CUL2: variants seen among roughly 807,000 people sequenced by gnomAD.
The protein encoded by CUL2 is cullin-2.
A neutral mutation model predicts 110.2 loss-of-function variants in CUL2; 22 were observed. The observed-to-expected ratio is 0.20, with a 90% CI of 0.14 to 0.28. CUL2 has a LOEUF of 0.28. CUL2 is among the 10% of genes least tolerant of loss of function. CUL2 has a pLI of 1.00. For synonymous variants in CUL2, 279 were observed against 293.2 expected, an observed-to-expected ratio of 0.95 and a Z score of 0.49; for missense variants, 631 against 905.5, an observed-to-expected ratio of 0.70 and a Z score of 3.89.
At chr10:35,103,320 TTTTTTTTTTTTTA>T (rs1564753917) in intron 1 of CUL2, among the ~76,000 whole-genome samples, 7 of 114,514 alleles carry the variant, frequency 6.1e-5, no homozygotes, top group African/African-American at 2.6e-4. Flanking sequence ...TTTTTTTTTT[TTTTTTTTTTTTTA>T]TTTTTTTTTG....
intron 2 of CUL2, among the ~76,000 whole-genome samples, chr10:35,064,717 T>A (rs2086472191): frequency 6.6e-6 from 1 of 152,144 alleles, no homozygotes; most frequent in African/African-American, 2.4e-5. Context: ...CTTGAAAAAA[T>A]TTTTTTGTAG....
intron 1 of CUL2, among the ~76,000 whole-genome samples, chr10:35,080,741 C>T (rs1407754789): frequency 2.0e-5 from 3 of 152,132 alleles, no homozygotes; most frequent in Admixed American, 2.0e-4. Context: ...AGGCGTGTGC[C>T]ACCGCACCCA....
intron 4 of CUL2, 104 bp from the exon 5 acceptor site, chr10:35,054,643 G>A: frequency 1.8e-6 from 1 of 554,754 alleles, no homozygotes; most frequent in Non-Finnish European, 3.1e-6. Flanking sequence ...TATAAGCCAT[G>A]GAATAGCCTA....
At chr10:35,066,726 G>A (rs906293683) in intron 2 of CUL2, among the ~76,000 whole-genome samples, 4 of 152,226 alleles carry the variant, frequency 2.6e-5, no homozygotes, top group African/African-American at 7.2e-5. Context: ...GTGAATCAAT[G>A]AGAACAAATA....
chr10:35,071,245 C>T lies in CUL2; in HGVS notation c.73G>A (p.Val25Ile). Residue 25 changes from valine to isoleucine, a missense_variant, in exon 2 of 21, where the codon GTC becomes ATC. Val to Ile is a conservative substitution (Grantham distance 29). This residue lies in a region of CUL2 where 338 missense variants were observed against 442.5 expected (regional missense o/e 0.76). Coordinates refer to ENST00000374749, the MANE Select transcript of CUL2 (RefSeq NM_003591.4). ...NKLLTTIKAV[V>I]MLEYVERATW... ...GCTCTTTCGACGTATTCCAACATGA[C>T]CACGGCTTTTATTGTCGTCAAAAGT... 1.2e-6 allele frequency: 2 copies of T among 1,614,122 alleles called. No individual in the cohort carries two copies. Among genetic ancestry groups the T allele is most frequent in the Non-Finnish European group, 8.5e-7 (1 of 1,179,980 alleles).
intron 5 of CUL2, among the ~76,000 whole-genome samples, chr10:35,050,508 A>G (rs2086075889): frequency 6.6e-6 from 1 of 152,198 alleles, no homozygotes; most frequent in Non-Finnish European, 1.5e-5. Flanking sequence ...AGTCGGTTAA[A>G]AGAGTAATAA....
At chr10:35,022,500 G>A (rs2085227471) in intron 17 of CUL2, among the ~76,000 whole-genome samples, 1 of 152,204 alleles carries the variant, frequency 6.6e-6, no homozygotes, top group South Asian at 2.1e-4. Context: ...AGAACTCTGA[G>A]AGATCTGTCC....
chr10:35,109,736 G>A (rs1231013424), intron 1 of CUL2, among the ~76,000 whole-genome samples: 1 of 152,222 alleles, frequency 6.6e-6, no homozygotes, highest in African/African-American at 2.4e-5. Context: ...TGTGATCAGT[G>A]CATAATGAAA....
chr10:35,036,928 T>C (rs2085636668), intron 9 of CUL2, among the ~76,000 whole-genome samples: 1 of 152,192 alleles, frequency 6.6e-6, no homozygotes, highest in African/African-American at 2.4e-5. Flanking sequence ...AGAGATGGGA[T>C]ACTGTCATGT....
intron 1 of CUL2, among the ~76,000 whole-genome samples, chr10:35,078,445 G>A (rs953815859): frequency 6.6e-6 from 1 of 151,910 alleles, no homozygotes; most frequent in Non-Finnish European, 1.5e-5. Flanking sequence ...ACAGGCTTGC[G>A]CCACCACACC....
intron 9 of CUL2, among the ~76,000 whole-genome samples, chr10:35,036,046 T>C (rs1055970400): frequency 1.3e-5 from 2 of 152,176 alleles, no homozygotes; most frequent in African/African-American, 2.4e-5. Flanking sequence ...AACACACCCA[T>C]GTAATCACAC....
chr10:35,089,033 G>A (rs1476097125), intron 1 of CUL2, among the ~76,000 whole-genome samples: 1 of 152,130 alleles, frequency 6.6e-6, no homozygotes, highest in African/African-American at 2.4e-5. Flanking sequence ...AAATTAGCCG[G>A]GCATGGTGGC....
chr10:35,012,217 C>CA (rs2084920289), intron 19 of CUL2, among the ~76,000 whole-genome samples: 1 of 151,962 alleles, frequency 6.6e-6, no homozygotes, highest in East Asian at 1.9e-4. Flanking sequence ...CAATATTGAG[C>CA]AAATTATATA....
intron 17 of CUL2, among the ~76,000 whole-genome samples, chr10:35,020,252 G>A (rs1217270461): frequency 6.6e-6 from 1 of 152,074 alleles, no homozygotes; most frequent in African/African-American, 2.4e-5. Context: ...TCAAAACAGT[G>A]TGTCAAAGAA....
intron 2 of CUL2, among the ~76,000 whole-genome samples, chr10:35,069,020 A>G (rs892379471): frequency 2.6e-5 from 4 of 151,900 alleles, no homozygotes; most frequent in African/African-American, 9.7e-5. Context: ...AGGCACCCAC[A>G]ACCACGCCCA....
chr10:35,058,718 GGT>G (rs1183050990), intron 4 of CUL2, among the ~76,000 whole-genome samples: 3 of 152,134 alleles, frequency 2.0e-5, no homozygotes, highest in African/African-American at 7.2e-5. Context: ...CTCACAAGTA[GGT>G]AACCATTTGC....
At chr10:35,108,461 AAAAAAAGG>A (rs1403403816) in intron 1 of CUL2, among the ~76,000 whole-genome samples, 2 of 151,990 alleles carry the variant, frequency 1.3e-5, no homozygotes, top group East Asian at 3.8e-4. Context: ...ACTCAAAAAA[AAAAAAAGG>A]AAAAAAAGAA....
At chr10:35,046,321 T>C (rs2085939137) in intron 6 of CUL2, among the ~76,000 whole-genome samples, 1 of 152,220 alleles carries the variant, frequency 6.6e-6, no homozygotes, top group Non-Finnish European at 1.5e-5. Context: ...TTTCTCATGT[T>C]CTGCTTATGG....
In CUL2 at chr10:35,031,236, T is replaced by C; in HGVS notation, c.1386+64A>G. 1.9e-6 allele frequency: 2 copies of C among 1,027,544 alleles called. No individual in the cohort carries two copies. Among genetic ancestry groups the C allele is most frequent in the Non-Finnish European group, 2.9e-6 (2 of 686,626 alleles). 63.7% of individuals were successfully genotyped at this position (1,027,544 alleles called of 1,614,324 possible). ...CCTGTTACTGTACACAATGCTGCAA[T>C]GAACATCTTTATGTGCTTGTGAATG... On this transcript the variant is annotated intron_variant, in intron 14 of 20. Transcript: ENST00000374749. The surrounding 1 kb of genome is among the most constrained non-coding windows in gnomAD (Gnocchi z 4.4).
Sources: allele counts gnomAD v4.1 joint callset (sites outside exome capture counted in the v4.1 genomes callset), GRCh38; gene constraint gnomAD v4.1.1; regional missense constraint gnomAD v4.1.1; non-coding constraint Gnocchi (gnomAD v3.1); transcripts MANE v1.5; gene names NCBI Gene and HGNC (gene_info 2026-07-23, HGNC 2026-07-21).